Variants in PRELID2 observed in about 807,000 individuals in gnomAD.
PRELID2 encodes the protein PRELI domain-containing protein 2.
A neutral mutation model predicts 28.4 loss-of-function variants in PRELID2; 25 were observed. The observed-to-expected ratio is 0.88, with a 90% CI of 0.64 to 1.23. PRELID2 has a LOEUF of 1.23. Among genes scored for constraint, PRELID2 ranks in the 50% most tolerant of loss-of-function variants. The pLI is 0.00. For missense variants in PRELID2, 201 were observed against 214.4 expected, an observed-to-expected ratio of 0.94 and a Z score of 0.39; for synonymous variants, 76 against 71.6, an observed-to-expected ratio of 1.06 and a Z score of -0.31.
At chr5:145,398,621 C>T in the PRELID2 span, among the ~76,000 whole-genome samples, 1 of 152,008 alleles carries the variant, frequency 6.6e-6, no homozygotes, top group African/African-American at 2.4e-5. Flanking sequence ...TATACTTACT[C>T]TGTTTCTACT....
rs1365761072 is a variant in PRELID2 at position 145,724,640 on chromosome 5, T to A, written n.70+40291A>T. 4.1e-5 allele frequency among the ~76,000 whole-genome samples: 5 copies of A among 121,620 alleles called. 1 individual carries two copies. The highest frequency in any genetic ancestry group is 2.5e-4 in the South Asian group (1 of 4,012). 79.8% of individuals were successfully genotyped at this position (121,620 alleles called of 152,430 possible). A position where few individuals can be genotyped will look rare whatever the true frequency, so the allele number is the denominator to read the frequency against. ...ATATATATATATATATATATATATA[T>A]ATATATAATGCCTGTAACTTACTTG... On this transcript the variant is annotated intron_variant and non_coding_transcript_variant, in intron 1 of 2. Coordinates refer to the PRELID2 transcript ENST00000510259.
At chr5:145,737,321 G>A (rs1221207732) in intron 1 of PRELID2, among the ~76,000 whole-genome samples, 1 of 151,894 alleles carries the variant, frequency 6.6e-6, no homozygotes, top group Non-Finnish European at 1.5e-5. Flanking sequence ...TGTTTCCGCT[G>A]AGAAATAAAG....
At chr5:145,742,436 G>C (rs1398657104) in intron 1 of PRELID2, among the ~76,000 whole-genome samples, 1 of 131,392 alleles carries the variant, frequency 7.6e-6, no homozygotes, top group South Asian at 2.3e-4. Context: ...ACCAGAAATC[G>C]ATAACAGAAA....
chr5:145,276,223 C>T, the PRELID2 span, among the ~76,000 whole-genome samples: 1 of 152,220 alleles, frequency 6.6e-6, no homozygotes, highest in East Asian at 1.9e-4. Flanking sequence ...TTGATGGAAG[C>T]ACATTAATGA....
intron 1 of PRELID2, among the ~76,000 whole-genome samples, chr5:145,500,947 C>T (rs1752355382): frequency 6.6e-6 from 1 of 152,138 alleles, no homozygotes; most frequent in African/African-American, 2.4e-5. Flanking sequence ...ATGTGCCTGT[C>T]TGATGATTTT....
intron 5 of PRELID2, among the ~76,000 whole-genome samples, chr5:145,781,038 C>A (rs1293170789): frequency 2.0e-5 from 3 of 152,202 alleles, no homozygotes; most frequent in Admixed American, 2.0e-4. Flanking sequence ...GCTTCCTTTT[C>A]TCCTAACAAC....
intron 6 of PRELID2, among the ~76,000 whole-genome samples, chr5:145,761,854 A>C (rs751369585): frequency 1.3e-5 from 2 of 152,158 alleles, no homozygotes; most frequent in Non-Finnish European, 2.9e-5. Context: ...AACACATGAA[A>C]ACAGTAGTAC....
At chr5:145,235,427 C>CTGAAG in the PRELID2 span, among the ~76,000 whole-genome samples, 1 of 152,102 alleles carries the variant, frequency 6.6e-6, no homozygotes, top group Admixed American at 6.6e-5. Context: ...TGCTGTCAAG[C>CTGAAG]CCAGAGGGAG....
At chr5:145,620,337 AT>A (rs1753757044) in intron 1 of PRELID2, among the ~76,000 whole-genome samples, 1 of 152,176 alleles carries the variant, frequency 6.6e-6, no homozygotes. Flanking sequence ...ATCAGTATAC[AT>A]TTGTCCGAGC....
At chr5:145,362,622 C>A in the PRELID2 span, among the ~76,000 whole-genome samples, 1 of 152,036 alleles carries the variant, frequency 6.6e-6, no homozygotes, top group Non-Finnish European at 1.5e-5. Flanking sequence ...GAAAATAAAA[C>A]AAATCTTACA....
intron 1 of PRELID2, among the ~76,000 whole-genome samples, chr5:145,827,363 A>G (rs1366550914): frequency 2.0e-5 from 3 of 152,336 alleles, no homozygotes; most frequent in African/African-American, 7.2e-5. Flanking sequence ...TTCAATGATC[A>G]AGGACAAAAC....
intron 5 of PRELID2, among the ~76,000 whole-genome samples, chr5:145,773,924 C>T (rs1274058754): frequency 6.6e-6 from 1 of 152,224 alleles, no homozygotes; most frequent in Non-Finnish European, 1.5e-5. Flanking sequence ...GATAATTCTG[C>T]TTTTATCTTG....
At chr5:145,426,418 A>G in the PRELID2 span, among the ~76,000 whole-genome samples, 1 of 152,240 alleles carries the variant, frequency 6.6e-6, no homozygotes, top group East Asian at 1.9e-4. Flanking sequence ...AGACTCTGAC[A>G]TGAATCAAAT....
intron 1 of PRELID2, among the ~76,000 whole-genome samples, chr5:145,744,900 A>C (rs1756947844): frequency 6.6e-6 from 1 of 152,106 alleles, no homozygotes; most frequent in South Asian, 2.1e-4. Flanking sequence ...AAAATGGGTA[A>C]GAAAAAACTG....
chr5:145,488,704 G>A (rs1752243728), intron 1 of PRELID2, among the ~76,000 whole-genome samples: 2 of 152,158 alleles, frequency 1.3e-5, no homozygotes, highest in African/African-American at 2.4e-5. Flanking sequence ...TTTAGCACAA[G>A]TCCTAGCACA....
intron 1 of PRELID2, among the ~76,000 whole-genome samples, chr5:145,696,032 T>C (rs1755253432): frequency 1.3e-5 from 2 of 152,178 alleles, no homozygotes; most frequent in Non-Finnish European, 2.9e-5. Flanking sequence ...TGCATATGTG[T>C]ATCTCGATAT....
At chr5:145,391,511 G>T in the PRELID2 span, among the ~76,000 whole-genome samples, 1 of 152,108 alleles carries the variant, frequency 6.6e-6, no homozygotes, top group South Asian at 2.1e-4. Context: ...GCCTGGCCCT[G>T]GAAACCATTT....
chr5:145,272,410 G>A, the PRELID2 span, among the ~76,000 whole-genome samples: 9 of 152,182 alleles, frequency 5.9e-5, no homozygotes, highest in South Asian at 1.0e-3. Context: ...CTCTGGTCTC[G>A]GAGCACTCAA....
intron 5 of PRELID2, among the ~76,000 whole-genome samples, chr5:145,768,144 G>A (rs1474800194): frequency 6.9e-6 from 1 of 144,004 alleles, no homozygotes; most frequent in African/African-American, 2.6e-5. Context: ...AGAATTGCTT[G>A]AACCAGGGAG....
Sources: gnomAD v4.1 joint callset for allele counts (sites outside exome capture counted in the v4.1 genomes callset) on GRCh38, gnomAD v4.1.1 for gene constraint, MANE v1.5 for transcripts, NCBI Gene and HGNC (gene_info 2026-07-23, HGNC 2026-07-21) for gene names.